Variants in PCNX2 observed in about 807,000 individuals in gnomAD.
PCNX2 encodes the protein pecanex 2.
Under a neutral mutation model 223.8 loss-of-function variants are expected in PCNX2, and 168 were observed. That is an observed-to-expected ratio of 0.75 (90% CI 0.66 to 0.85). The LOEUF (loss-of-function observed/expected upper bound fraction) is 0.85, where lower values mean the gene tolerates loss of function less well. PCNX2 is among the 40% of genes least tolerant of loss of function. PCNX2 has a pLI of 0.00. For synonymous variants in PCNX2, 1,006 were observed against 1,052.6 expected (o/e 0.96, Z 0.86); for missense variants, 2,507 against 2,675.5 (o/e 0.94, Z 1.39).
intron 1 of PCNX2, among the ~76,000 whole-genome samples, chr1:233,263,962 A>T (rs1660197654): frequency 6.6e-6 from 1 of 152,176 alleles, no homozygotes; most frequent in Non-Finnish European, 1.5e-5. Context: ...CCTGCAGGCC[A>T]TGGATTTCCC....
In PCNX2 at chr1:233,022,254, C is replaced by G. The variant is rs6661585; in HGVS notation, c.4605+2892G>C. On this transcript the variant is annotated intron_variant, in intron 26 of 33. Coordinates refer to ENST00000258229, the MANE Select transcript of PCNX2 (RefSeq NM_014801.4). ...ATGGCCCAGACTCCAAATCCATGTT[C>G]CCCAGAACCTTTGTTCATTCAGTAC... Among the ~76,000 whole-genome samples, 692 of 152,294 alleles carry G rather than the reference C, an allele frequency of 4.5e-3. 4 individuals are homozygous for G. Among genetic ancestry groups the G allele is most frequent in the African/African-American group, 0.016 (662 of 41,560 alleles).
chr1:233,208,826 CAAAAAAAAAAA>C lies in PCNX2; in HGVS notation c.2692-148_2692-138del, dbSNP rs71173255. 79 of 59,618 alleles carry C rather than the reference CAAAAAAAAAAA, an allele frequency of 1.3e-3. 1 individual carries two copies. Among genetic ancestry groups the C allele is most frequent in the East Asian group, 9.3e-3 (15 of 1,610 alleles). 3.7% of individuals were successfully genotyped at this position (59,618 alleles called of 1,614,324 possible). A position where few individuals can be genotyped will look rare whatever the true frequency, so the allele number is the denominator to read the frequency against. ...TCCCCCAAACACCACAATTCATATA[CAAAAAAAAAAA>C]AAAAAAAAAAAAAACAGGAAAAAAA... On this transcript the variant is annotated intron_variant, in intron 12 of 33. Coordinates refer to ENST00000258229, the MANE Select transcript of PCNX2 (RefSeq NM_014801.4).
At chr1:233,011,812 A>G (rs1009410869) in intron 28 of PCNX2, among the ~76,000 whole-genome samples, 2 of 152,228 alleles carry the variant, frequency 1.3e-5, no homozygotes, top group Non-Finnish European at 2.9e-5. Context: ...GCATCTCTTC[A>G]TCTGGCTGTT....
intron 1 of PCNX2, chr1:233,291,105 T>C (rs1257602563): frequency 1.0e-6 from 1 of 985,288 alleles, no homozygotes; most frequent in Non-Finnish European, 1.2e-6. Flanking sequence ...GGCAGCATAA[T>C]GTCCTGGAAG....
chr1:233,209,426 T>G (rs1268500484), intron 12 of PCNX2, among the ~76,000 whole-genome samples: 1 of 152,092 alleles, frequency 6.6e-6, no homozygotes, highest in African/African-American at 2.4e-5. Context: ...AACAAAAAAT[T>G]TACATCTCAT....
chr1:233,241,894 A>G (rs1419304691), intron 8 of PCNX2, among the ~76,000 whole-genome samples: 1 of 152,190 alleles, frequency 6.6e-6, no homozygotes, highest in South Asian at 2.1e-4. Flanking sequence ...TCTTCTGACT[A>G]AAGTTAAAAA....
chr1:233,005,463 C>T (rs1378924151), intron 28 of PCNX2, among the ~76,000 whole-genome samples: 1 of 152,144 alleles, frequency 6.6e-6, no homozygotes, highest in East Asian at 1.9e-4. Flanking sequence ...TCAAAGGCCA[C>T]CAACAATGGA....
At chr1:233,244,194 GA>G (rs1449346406) in intron 8 of PCNX2, among the ~76,000 whole-genome samples, 25 of 152,232 alleles carry the variant, frequency 1.6e-4, no homozygotes, top group African/African-American at 5.8e-4. Flanking sequence ...TTTTTGGTTA[GA>G]AAATGGATAC....
chr1:233,046,579 C>T (rs1671828809), intron 25 of PCNX2, among the ~76,000 whole-genome samples: 1 of 152,164 alleles, frequency 6.6e-6, no homozygotes, highest in African/African-American at 2.4e-5. Context: ...AGGGAACTAT[C>T]ATTTTTTTCT....
At chr1:233,081,740 T>C (rs1316268929) in intron 23 of PCNX2, among the ~76,000 whole-genome samples, 2 of 152,230 alleles carry the variant, frequency 1.3e-5, no homozygotes, top group Admixed American at 1.3e-4. Context: ...CTTGGCAAGC[T>C]GCATTGCTTC....
At chr1:233,082,907 G>A (rs185492053) in intron 23 of PCNX2, among the ~76,000 whole-genome samples, 47 of 152,300 alleles carry the variant, frequency 3.1e-4, no homozygotes, top group African/African-American at 1.1e-3. Flanking sequence ...GGCTGGAGGC[G>A]TGAAAGATGA....
At chr1:233,277,088 G>A (rs1017234244) in intron 1 of PCNX2, among the ~76,000 whole-genome samples, 4 of 152,184 alleles carry the variant, frequency 2.6e-5, no homozygotes, top group Admixed American at 1.3e-4. Context: ...GCCAAAGTGT[G>A]CAAAGGATAC....
chr1:233,179,277 T>C, intron 15 of PCNX2, 102 bp from the exon 16 acceptor site: 8 of 1,211,958 alleles, frequency 6.6e-6, no homozygotes, highest in Non-Finnish European at 7.0e-6. Flanking sequence ...GCTGGATGGA[T>C]GAGTTATTCC....
intron 26 of PCNX2, among the ~76,000 whole-genome samples, chr1:233,019,693 G>A (rs907089206): frequency 6.6e-6 from 1 of 152,136 alleles, no homozygotes; most frequent in African/African-American, 2.4e-5. Context: ...CAGCCCAGGA[G>A]AGGTTGAGGC....
At chr1:233,036,331 T>C (rs1671452552) in intron 25 of PCNX2, among the ~76,000 whole-genome samples, 1 of 152,178 alleles carries the variant, frequency 6.6e-6, no homozygotes, top group South Asian at 2.1e-4. Flanking sequence ...GAAAGAATTG[T>C]AAGAATTTTA....
At chr1:233,177,559 G>A (rs1003899855) in intron 17 of PCNX2, among the ~76,000 whole-genome samples, 2 of 152,178 alleles carry the variant, frequency 1.3e-5, no homozygotes, top group Non-Finnish European at 1.5e-5. Context: ...TATAAAAATG[G>A]CCTTGCTGAG....
chr1:233,277,642 A>T (rs1660983886), intron 1 of PCNX2, among the ~76,000 whole-genome samples: 1 of 152,182 alleles, frequency 6.6e-6, no homozygotes, highest in Non-Finnish European at 1.5e-5. Flanking sequence ...GTCCAATTAG[A>T]GCAGGTGGAG....
the PCNX2 span, among the ~76,000 whole-genome samples, chr1:233,306,966 T>C: frequency 6.6e-6 from 1 of 152,208 alleles, no homozygotes; most frequent in Middle Eastern, 3.2e-3. Context: ...AATAAAATAG[T>C]GATTTTTAAA....
chr1:233,181,807 G>A (rs1679818574), intron 15 of PCNX2, among the ~76,000 whole-genome samples: 1 of 152,154 alleles, frequency 6.6e-6, no homozygotes. Flanking sequence ...CAAGGACACT[G>A]ATCTGATTCA....
Sources: gnomAD v4.1 joint callset for allele counts (sites outside exome capture counted in the v4.1 genomes callset) on GRCh38, gnomAD v4.1.1 for gene constraint, MANE v1.5 for transcripts, NCBI Gene and HGNC (gene_info 2026-07-23, HGNC 2026-07-21) for gene names.